Variants in FGF13 observed in about 807,000 individuals in gnomAD.
FGF13 encodes fibroblast growth factor 13.
In FGF13, 2 loss-of-function variants were observed where a neutral mutation model predicts 19.5. The ratio of observed to expected loss-of-function variants is 0.10; its 90% CI spans 0.04 to 0.32. The LOEUF is 0.32. Among genes scored for constraint, FGF13 ranks in the 10% least tolerant of loss-of-function variants. FGF13 has a pLI of 1.00. For missense variants in FGF13, 113 were observed against 192.7 expected, an observed-to-expected ratio of 0.59 and a Z score of 2.45; for synonymous variants, 72 against 76.9, an observed-to-expected ratio of 0.94 and a Z score of 0.33.
rs765731000 is a variant in FGF13 at position 138,787,848 on chromosome X, C to A, written c.217+69664G>T. ...CACTAATCCCATCATTAGGGCTCCA[C>A]CCTCATAACTTAATTACCTGCCAAA... is the stretch of plus-strand genomic sequence containing the variant. On this transcript the variant is annotated intron_variant, in intron 3 of 6. Coordinates refer to the FGF13 transcript ENST00000436198. Among the ~76,000 whole-genome samples, 7 of 110,573 alleles carry A rather than the reference C, an allele frequency of 6.3e-5. No individual in the cohort carries two copies. In the South Asian group the frequency reaches 2.7e-3, roughly 43 times the overall value.
chrX:138,647,219 GAAA>G (rs10543925), intron 3 of FGF13, among the ~76,000 whole-genome samples: 2 of 59,116 alleles, frequency 3.4e-5, no homozygotes, highest in Admixed American at 4.3e-4. Context: ...CATCTCTGGG[GAAA>G]AAAAAAAAAA....
chrX:138,866,194 A>G (rs889351969), intron 1 of FGF13, among the ~76,000 whole-genome samples: 36 of 112,788 alleles, frequency 3.2e-4, no homozygotes, highest in Admixed American at 3.2e-3. Context: ...CTTTAATAAC[A>G]TGCCCATGTT....
At chrX:138,940,406 T>C (rs2091752252) in intron 1 of FGF13, among the ~76,000 whole-genome samples, 1 of 112,250 alleles carries the variant, frequency 8.9e-6, no homozygotes, top group Non-Finnish European at 1.9e-5. Context: ...TGATAGTTTC[T>C]TTTGCTGTGC....
At chrX:138,784,707 C>G (rs1174824333) in intron 3 of FGF13, among the ~76,000 whole-genome samples, 1 of 111,727 alleles carries the variant, frequency 9.0e-6, no homozygotes, top group Non-Finnish European at 1.9e-5. Context: ...GACCTCACCA[C>G]CTTCTCACAG....
At chrX:139,059,766 T>G (rs1025175365) in intron 1 of FGF13, among the ~76,000 whole-genome samples, 4 of 112,688 alleles carry the variant, frequency 3.5e-5, no homozygotes, top group Non-Finnish European at 7.5e-5. Context: ...CCTTCCATTT[T>G]AAAACATGCT....
rs1009856658 is a variant in FGF13 at position 138,627,374 on chromosome X, A to G, written c.*5476T>C. 1 of 111,715 alleles carries G rather than the reference A, an allele frequency of 9.0e-6. No individual in the cohort carries two copies. The highest frequency in any genetic ancestry group is 9.6e-5 in the Admixed American group (1 of 10,425). The allele number at this position is 111,715 out of a possible 1,213,427, so 9.2% of individuals were successfully genotyped here. On this transcript the variant is annotated 3_prime_UTR_variant, in exon 5 of 5. Transcript: ENST00000315930. ...AATTATTAAGAGCGTACACATTATT[A>G]CAGTACAAAATATGTAGATATGCTA...
At chrX:139,127,968 CT>C (rs1485662940) in intron 1 of FGF13, among the ~76,000 whole-genome samples, 2 of 111,011 alleles carry the variant, frequency 1.8e-5, no homozygotes, top group Non-Finnish European at 3.8e-5. Flanking sequence ...GAGTCTGCCT[CT>C]CTTTCCACTT....
At chrX:139,009,467 T>C (rs1450534084) in intron 1 of FGF13, among the ~76,000 whole-genome samples, 2 of 111,901 alleles carry the variant, frequency 1.8e-5, no homozygotes, top group Non-Finnish European at 3.8e-5. Context: ...GCAGAAACCC[T>C]ACAAGCTCAA....
intron 3 of FGF13, among the ~76,000 whole-genome samples, chrX:138,804,957 G>T (rs1440098260): frequency 2.7e-5 from 3 of 111,845 alleles, no homozygotes; most frequent in Non-Finnish European, 5.6e-5. Flanking sequence ...TGAAATATCA[G>T]ATTGATCATA....
At chrX:138,859,321 A>G (rs1286574335) in intron 2 of FGF13, among the ~76,000 whole-genome samples, 1 of 112,149 alleles carries the variant, frequency 8.9e-6, no homozygotes, top group East Asian at 2.8e-4. Flanking sequence ...ATATTTAAAT[A>G]AAACTCCCCA....
chrX:138,702,979 C>T lies in FGF13; in HGVS notation c.402+5G>A. On this transcript the variant is annotated splice_donor_5th_base_variant and intron_variant, in intron 3 of 4. Coordinates refer to ENST00000315930, the MANE Select transcript of FGF13 (RefSeq NM_004114.5). ...GTCAAAACATGCACACAGTCAAAAGCTTACCGAGGTGTACAAGTATCCCTC... is the reference window on the plus strand; with the variant it reads ...GTCAAAACATGCACACAGTCAAAAGTTTACCGAGGTGTACAAGTATCCCTC... 2 of 1,180,308 alleles carry T rather than the reference C, an allele frequency of 1.7e-6. No homozygotes were observed.
At chrX:138,855,131 G>T (rs1194162676), downstream of FGF13, among the ~76,000 whole-genome samples, 2 of 111,832 alleles carry the variant, frequency 1.8e-5, no homozygotes, top group Admixed American at 9.5e-5. Context: ...CTTCCAGGTT[G>T]CCAGAATGAC....
intron 3 of FGF13, among the ~76,000 whole-genome samples, chrX:138,655,109 G>A (rs144360404): frequency 0.015 from 1,628 of 111,456 alleles, 22 homozygotes; most frequent in African/African-American, 0.05. Flanking sequence ...TGTCTACATA[G>A]TAGTTCCTAG....
chrX:138,818,927 T>A (rs886816160), intron 3 of FGF13, among the ~76,000 whole-genome samples: 2 of 111,908 alleles, frequency 1.8e-5, no homozygotes, highest in Non-Finnish European at 3.8e-5. Flanking sequence ...TAGAGAATTG[T>A]ATGGGCCACT....
At chrX:138,734,564 G>C (rs2090258406) in intron 1 of FGF13, among the ~76,000 whole-genome samples, 1 of 111,651 alleles carries the variant, frequency 9.0e-6, no homozygotes, top group Non-Finnish European at 1.9e-5. Flanking sequence ...AGTTCTAGAG[G>C]TGAAGAAATC....
intron 1 of FGF13, among the ~76,000 whole-genome samples, chrX:138,718,031 T>C (rs1454828739): frequency 8.9e-6 from 1 of 112,416 alleles, no homozygotes; most frequent in Non-Finnish European, 1.9e-5. Flanking sequence ...AAACACTTTG[T>C]AGACACAATA....
intron 1 of FGF13, among the ~76,000 whole-genome samples, chrX:139,186,867 G>A (rs2084287172): frequency 9.0e-6 from 1 of 111,666 alleles, no homozygotes; most frequent in African/African-American, 3.3e-5. Context: ...TCTGATCCCA[G>A]CCGATCTCTC....
intron 3 of FGF13, among the ~76,000 whole-genome samples, chrX:138,851,476 T>A (rs1023034059): frequency 5.4e-5 from 6 of 111,801 alleles, no homozygotes; most frequent in Non-Finnish European, 1.1e-4. Context: ...TGATTTGCAT[T>A]TCTCTAATGA....
rs775297699 is a variant in FGF13 at position 139,178,702 on chromosome X, C to T, written c.-113+24714G>A. On this transcript the variant is annotated intron_variant, in intron 1 of 2. Transcript: ENST00000421460. ...TTAAACAAACATCAAACAAGTTATGCGTAGAAAAACAATACACCATATGTT... is the reference window on the plus strand; with the variant it reads ...TTAAACAAACATCAAACAAGTTATGTGTAGAAAAACAATACACCATATGTT... 8.8e-4 allele frequency among the ~76,000 whole-genome samples: 99 copies of T among 112,088 alleles called. 1 individual carries two copies. The highest frequency in any genetic ancestry group is 3.0e-3 in the African/African-American group (94 of 30,909).
Sources: allele counts gnomAD v4.1 joint callset (sites outside exome capture counted in the v4.1 genomes callset), GRCh38; gene constraint gnomAD v4.1.1; transcripts MANE v1.5; gene names NCBI Gene and HGNC (gene_info 2026-07-23, HGNC 2026-07-21).